The following PRKCE variants were observed in gnomAD, a reference collection of about 807,000 sequenced individuals.
PRKCE encodes the protein protein kinase C epsilon type.
In PRKCE, 16 loss-of-function variants were observed where a neutral mutation model predicts 85.4. The ratio of observed to expected loss-of-function variants is 0.19; its 90% CI spans 0.13 to 0.28. The LOEUF is 0.28. Ranked by LOEUF, PRKCE falls within the 10% of genes least tolerant of loss-of-function variation. The pLI is 1.00. For synonymous variants in PRKCE, 388 were observed against 371.5 expected, an observed-to-expected ratio of 1.04 and a Z score of -0.51; for missense variants, 573 against 975.2, an observed-to-expected ratio of 0.59 and a Z score of 5.49.
chr2:46,010,853 C>G, intron 10 of PRKCE: 1 of 1,526,200 alleles, frequency 6.6e-7, no homozygotes, highest in East Asian at 2.4e-5. Flanking sequence ...TATCACTAAT[C>G]AAATCACTTA....
At chr2:45,882,999 T>A (rs968131745) in intron 2 of PRKCE, among the ~76,000 whole-genome samples, 1 of 152,244 alleles carries the variant, frequency 6.6e-6, no homozygotes, top group Non-Finnish European at 1.5e-5. Flanking sequence ...CAGCAATGAG[T>A]GGCGACGGCC....
chr2:45,741,848 G>A (rs7424090), intron 1 of PRKCE, among the ~76,000 whole-genome samples: 59,497 of 152,072 alleles, frequency 0.39, 11,820 homozygotes, highest in African/African-American at 0.44. Context: ...GTGGGCATGT[G>A]GAGAGCTACC....
At chr2:45,832,502 G>A (rs1170221352) in intron 1 of PRKCE, among the ~76,000 whole-genome samples, 2 of 152,052 alleles carry the variant, frequency 1.3e-5, no homozygotes, top group African/African-American at 4.8e-5. Context: ...TAGTAGAGAT[G>A]GGGTTTCGCC....
At chr2:45,718,405 C>T (rs887958239) in intron 1 of PRKCE, among the ~76,000 whole-genome samples, 4 of 134,760 alleles carry the variant, frequency 3.0e-5, no homozygotes, top group African/African-American at 8.6e-5. Context: ...AGTGCAGTGG[C>T]GTGATCTCGG....
At chr2:45,684,090 G>A (rs181801855) in intron 1 of PRKCE, among the ~76,000 whole-genome samples, 25 of 152,280 alleles carry the variant, frequency 1.6e-4, no homozygotes, top group Middle Eastern at 3.4e-3. Context: ...GGGAAAACTT[G>A]TCAAGTCAAG....
intron 10 of PRKCE, among the ~76,000 whole-genome samples, chr2:46,053,451 G>GA (rs1388648545): frequency 6.6e-6 from 1 of 152,048 alleles, no homozygotes; most frequent in African/African-American, 2.4e-5. Context: ...TCTCCATAAC[G>GA]CGTTTCATCT....
chr2:45,837,513 T>C (rs746549303), intron 1 of PRKCE, among the ~76,000 whole-genome samples: 13 of 152,176 alleles, frequency 8.5e-5, no homozygotes, highest in Non-Finnish European at 1.6e-4. Flanking sequence ...TGCCTCAGTC[T>C]ACTAAAGTGC....
At chr2:45,966,691 T>C (rs185128637) in intron 2 of PRKCE, among the ~76,000 whole-genome samples, 1 of 152,276 alleles carries the variant, frequency 6.6e-6, no homozygotes, top group African/African-American at 2.4e-5. Context: ...AAGTCAGTGT[T>C]CCTTGCCCAG....
chr2:45,823,365 C>G (rs1402667428), intron 1 of PRKCE, among the ~76,000 whole-genome samples: 5 of 152,188 alleles, frequency 3.3e-5, no homozygotes, highest in African/African-American at 7.2e-5. Context: ...ATATTTCACC[C>G]CTAGTAGCTG....
At chr2:45,801,691 C>A (rs929527226) in intron 1 of PRKCE, among the ~76,000 whole-genome samples, 4 of 152,024 alleles carry the variant, frequency 2.6e-5, no homozygotes, top group African/African-American at 9.7e-5. Context: ...GGCCGTTGGG[C>A]AGAGCCAGGG....
intron 14 of PRKCE, among the ~76,000 whole-genome samples, chr2:46,182,049 C>CT (rs1401028408): frequency 6.6e-6 from 1 of 152,160 alleles, no homozygotes; most frequent in Non-Finnish European, 1.5e-5. Context: ...CCTTGACTCT[C>CT]TTTTTCTCCT....
At chr2:45,944,130 T>C (rs920369989) in intron 2 of PRKCE, among the ~76,000 whole-genome samples, 4 of 152,194 alleles carry the variant, frequency 2.6e-5, no homozygotes, top group Admixed American at 2.6e-4. Context: ...CTTGACTAGA[T>C]TCATTGATCC....
intron 2 of PRKCE, among the ~76,000 whole-genome samples, chr2:45,946,324 C>A (rs1354493926): frequency 6.6e-6 from 1 of 152,198 alleles, no homozygotes; most frequent in Admixed American, 6.5e-5. Context: ...TTCTGGCTCT[C>A]TTCACTTGAA....
At chr2:46,073,210 A>T (rs1056157564) in intron 10 of PRKCE, among the ~76,000 whole-genome samples, 1 of 152,212 alleles carries the variant, frequency 6.6e-6, no homozygotes, top group East Asian at 1.9e-4. Flanking sequence ...GAAGGAACTC[A>T]TTGTAGAACA....
At chr2:45,827,414 C>A (rs1455480994) in intron 1 of PRKCE, among the ~76,000 whole-genome samples, 1 of 152,186 alleles carries the variant, frequency 6.6e-6, no homozygotes, top group African/African-American at 2.4e-5. Context: ...CAGGAAATAT[C>A]TTCCCTTGTG....
chr2:46,160,227 G>A (rs1005109837), intron 14 of PRKCE, among the ~76,000 whole-genome samples: 9 of 152,200 alleles, frequency 5.9e-5, no homozygotes, highest in African/African-American at 1.9e-4. Context: ...TGGTGCTGGG[G>A]GGAGCTTCTG....
chr2:45,665,585 T>G lies in PRKCE; in HGVS notation c.348+13137T>G, dbSNP rs147415944. 8.7e-3 allele frequency among the ~76,000 whole-genome samples: 1,322 copies of G among 152,326 alleles called. 15 individuals are homozygous for G. The highest frequency in any genetic ancestry group is 0.02 in the Middle Eastern group (6 of 294). On this transcript the variant is annotated intron_variant, in intron 1 of 14. Coordinates refer to ENST00000306156, the MANE Select transcript of PRKCE (RefSeq NM_005400.3). ...CTTTGGTACCCATGCTCCTTTGTCT[T>G]CTTTGCTTCTTCATGACACCATCCT...
chr2:45,719,384 T>G (rs540963298), intron 1 of PRKCE, among the ~76,000 whole-genome samples: 23 of 152,370 alleles, frequency 1.5e-4, no homozygotes, highest in African/African-American at 4.1e-4. Context: ...CTTAACTTTT[T>G]TTATTCCCCC....
At chr2:45,933,303 A>G (rs1018504611) in intron 2 of PRKCE, among the ~76,000 whole-genome samples, 9 of 152,158 alleles carry the variant, frequency 5.9e-5, no homozygotes, top group African/African-American at 1.9e-4. Context: ...CTTTTGATGA[A>G]CAGAAGTCCC....
Sources: gnomAD v4.1 joint callset for allele counts (sites outside exome capture counted in the v4.1 genomes callset) on GRCh38, gnomAD v4.1.1 for gene constraint, MANE v1.5 for transcripts, NCBI Gene and HGNC (gene_info 2026-07-23, HGNC 2026-07-21) for gene names.